The following RPTOR variants were observed in gnomAD, a reference collection of about 807,000 sequenced individuals.
RPTOR encodes regulatory associated protein of MTOR complex 1.
In RPTOR, 21 loss-of-function variants were observed where a neutral mutation model predicts 169.9. The ratio of observed to expected loss-of-function variants is 0.12; its 90% CI spans 0.09 to 0.18. RPTOR has a LOEUF of 0.18. Ranked by LOEUF, RPTOR falls within the 10% of genes least tolerant of loss-of-function variation. The pLI is 1.00. For missense variants in RPTOR, 1,133 were observed against 1,855.9 expected, an observed-to-expected ratio of 0.61 and a Z score of 7.16; for synonymous variants, 732 against 753.2, an observed-to-expected ratio of 0.97 and a Z score of 0.46.
intron 3 of RPTOR, among the ~76,000 whole-genome samples, chr17:80,666,351 G>C (rs555169730): frequency 1.3e-5 from 2 of 152,272 alleles, no homozygotes; most frequent in South Asian, 4.1e-4. Flanking sequence ...TGCAGACACA[G>C]AAGATGGAGA....
intron 20 of RPTOR, among the ~76,000 whole-genome samples, chr17:80,908,213 C>T (rs1163816304): frequency 2.0e-5 from 3 of 152,158 alleles, no homozygotes; most frequent in East Asian, 1.9e-4. Context: ...TCTTTGTATC[C>T]GAGTATGCAG....
intron 6 of RPTOR, among the ~76,000 whole-genome samples, chr17:80,779,901 G>A (rs376488550): frequency 8.5e-5 from 13 of 152,134 alleles, no homozygotes; most frequent in Non-Finnish European, 1.8e-4. Context: ...CTCCGTTCTC[G>A]GGGTGCTCTT....
chr17:80,913,896 C>T (rs980477174), intron 21 of RPTOR, among the ~76,000 whole-genome samples: 2 of 152,236 alleles, frequency 1.3e-5, no homozygotes, highest in African/African-American at 4.8e-5. Flanking sequence ...CTTCAAGCCA[C>T]AGGTGGTCAC....
chr17:80,598,899 T>C (rs1415180892), intron 1 of RPTOR, among the ~76,000 whole-genome samples: 1 of 150,016 alleles, frequency 6.7e-6, no homozygotes, highest in East Asian at 2.1e-4. Flanking sequence ...TATCTATCTA[T>C]CTATCTATCT....
chr17:80,828,774 A>G (rs1218718661), intron 9 of RPTOR, among the ~76,000 whole-genome samples: 1 of 152,262 alleles, frequency 6.6e-6, no homozygotes, highest in East Asian at 1.9e-4. Flanking sequence ...TTGTCAGAAC[A>G]TTGGTTATAA....
intron 7 of RPTOR, among the ~76,000 whole-genome samples, chr17:80,808,269 A>G (rs2067239354): frequency 1.3e-5 from 2 of 152,064 alleles, no homozygotes. Flanking sequence ...TACAGAAAAA[A>G]TTAAAATCAG....
At chr17:80,890,481 G>A (rs570286060) in intron 17 of RPTOR, among the ~76,000 whole-genome samples, 61 of 151,996 alleles carry the variant, frequency 4.0e-4, no homozygotes, top group East Asian at 3.9e-4. Context: ...GAACCGGGGC[G>A]TGGGCCATGG....
chr17:80,729,039 G>A lies in RPTOR; in HGVS notation c.508-1521G>A, dbSNP rs372701425. On this transcript the variant is annotated intron_variant, in intron 4 of 33. Transcript: ENST00000306801. ...CTCCACACACCCCCCACACATCTGCGTCGTTGGTATACTGTATCATCATGT... is the reference window on the plus strand; with the variant it reads ...CTCCACACACCCCCCACACATCTGCATCGTTGGTATACTGTATCATCATGT... Among the ~76,000 whole-genome samples the A allele has an allele frequency of 1.7e-4, 26 of 152,202 alleles. 1 individual carries two copies. Among genetic ancestry groups the A allele is most frequent in the East Asian group, 1.2e-3 (6 of 5,200 alleles).
chr17:80,853,340 C>T (rs1265534474), intron 11 of RPTOR, among the ~76,000 whole-genome samples: 18 of 152,242 alleles, frequency 1.2e-4, no homozygotes, highest in Non-Finnish European at 5.9e-5. Context: ...CTCCAGGACC[C>T]GCTGCCCAGC....
chr17:80,678,077 A>C (rs1054609434), intron 3 of RPTOR, among the ~76,000 whole-genome samples: 4 of 152,234 alleles, frequency 2.6e-5, no homozygotes, highest in African/African-American at 4.8e-5. Context: ...ATATACTCCA[A>C]CTTGAAAATC....
chr17:80,564,188 G>A (rs916158709), intron 1 of RPTOR, among the ~76,000 whole-genome samples: 8 of 151,636 alleles, frequency 5.3e-5, no homozygotes, highest in Non-Finnish European at 8.8e-5. Context: ...TCAGCCTCCC[G>A]AGTAGCTGGA....
chr17:80,763,175 G>T (rs1290115318), intron 6 of RPTOR, among the ~76,000 whole-genome samples: 1 of 152,130 alleles, frequency 6.6e-6, no homozygotes, highest in Non-Finnish European at 1.5e-5. Flanking sequence ...GAGCCCAGGA[G>T]TTCAAGGCTG....
chr17:80,895,051 A>G (rs2068381010), intron 20 of RPTOR, among the ~76,000 whole-genome samples: 1 of 152,132 alleles, frequency 6.6e-6, no homozygotes, highest in South Asian at 2.1e-4. Flanking sequence ...TCCATTATCC[A>G]TTCTCCTGTC....
At chr17:80,784,700 C>CTT (rs201356839) in intron 6 of RPTOR, among the ~76,000 whole-genome samples, 68 of 137,422 alleles carry the variant, frequency 4.9e-4, no homozygotes, top group African/African-American at 1.8e-3. Flanking sequence ...GCCTATTTTA[C>CTT]TTTTTTTTTT....
chr17:80,588,948 A>G (rs1215604025), intron 1 of RPTOR, among the ~76,000 whole-genome samples: 1 of 152,130 alleles, frequency 6.6e-6, no homozygotes, highest in Admixed American at 6.6e-5. Context: ...CCTGTGTTTT[A>G]TGCTTGTGTT....
At position 80,823,307 on chromosome 17, in the gene RPTOR, A is replaced by G; in HGVS notation, c.1136+84A>G. 1 of 1,537,684 alleles carries G rather than the reference A, an allele frequency of 6.5e-7. No homozygotes were observed. Among genetic ancestry groups the G allele is most frequent in the African/African-American group, 1.4e-5 (1 of 73,018 alleles). On this transcript the variant is annotated intron_variant, in intron 9 of 33. Coordinates refer to ENST00000306801, the MANE Select transcript of RPTOR (RefSeq NM_020761.3). The surrounding 1 kb of genome is among the most constrained non-coding windows in gnomAD (Gnocchi z 4.5). The stretch of plus-strand genomic sequence containing the variant: ...GTCATGGAATTGCACGGAGCTGGGC[A>G]GGGAGGCCCCACACCTAACTTGGGG...
chr17:80,576,265 T>C (rs1016492768), intron 1 of RPTOR, among the ~76,000 whole-genome samples: 22 of 152,230 alleles, frequency 1.4e-4, no homozygotes, highest in African/African-American at 5.3e-4. Context: ...TTTTTTTAAA[T>C]GCCTTTTTAT....
intron 9 of RPTOR, among the ~76,000 whole-genome samples, chr17:80,829,514 C>A (rs1445322695): frequency 1.3e-5 from 2 of 152,218 alleles, no homozygotes; most frequent in Non-Finnish European, 2.9e-5. Flanking sequence ...CCAGACACAT[C>A]CAACCCGACA....
At chr17:80,922,898 G>A in intron 22 of RPTOR, 71 bp downstream of exon 22, 1 of 1,297,960 alleles carries the variant, frequency 7.7e-7, no homozygotes, top group Non-Finnish European at 1.1e-6. Flanking sequence ...CTGTCCCTGA[G>A]CCGGCCTCCC....
Sources: gnomAD v4.1 joint callset for allele counts (sites outside exome capture counted in the v4.1 genomes callset) on GRCh38, gnomAD v4.1.1 for gene constraint, Gnocchi (gnomAD v3.1) non-coding constraint, MANE v1.5 for transcripts, NCBI Gene and HGNC (gene_info 2026-07-23, HGNC 2026-07-21) for gene names.